Variants in MEGF6 observed in about 807,000 individuals in gnomAD.
The protein encoded by MEGF6 is multiple EGF like domains 6.
A neutral mutation model predicts 207.1 loss-of-function variants in MEGF6; 184 were observed. The ratio of observed to expected loss-of-function variants is 0.89; its 90% CI spans 0.79 to 1.00. MEGF6 has a LOEUF of 1.00. MEGF6 is among the 50% of genes least tolerant of loss of function. The pLI, the probability that MEGF6 is intolerant of heterozygous loss-of-function variation, is 0.00. For synonymous variants in MEGF6, 1,038 were observed against 910.0 expected (o/e 1.14, Z -2.53); for missense variants, 2,282 against 2,202.9 (o/e 1.04, Z -0.72).
In MEGF6 at chr1:3,496,694, G is replaced by A. The variant is rs773750025; in HGVS notation, c.3703C>T (p.Arg1235Cys). The change falls in exon 29 of 37, where the codon CGC (arginine) becomes TGC (cysteine). Residue 1235 changes from arginine to cysteine, a missense_variant. By Grantham distance (180) the Arg-to-Cys change is radical (BLOSUM62 -3). Transcript: ENST00000356575. The stretch of plus-strand genomic sequence containing the variant: ...GTCCCGAGGAACCCAGTGGGGCAGC[G>A]GCAGGCCCCCGTGGCCGCATCACAG... The part of the protein sequence containing the change: ...GSCDAATGAC[R>C]CPTGFLGTDC... The A allele has an allele frequency of 3.6e-5, 56 of 1,565,002 alleles. No homozygotes were observed. The highest frequency in any genetic ancestry group is 2.6e-4 in the East Asian group (11 of 41,824).
At chr1:3,599,135 ACAC>A (rs1257136038) in intron 2 of MEGF6, among the ~76,000 whole-genome samples, 7 of 152,252 alleles carry the variant, frequency 4.6e-5, no homozygotes, top group Admixed American at 1.3e-4. Flanking sequence ...AGCCACCACA[ACAC>A]CACAACACAG....
In MEGF6 at chr1:3,611,260, G is replaced by T. The variant is rs1416268390; in HGVS notation, c.9C>A (p.Phe3Leu). The T allele has an allele frequency of 1.4e-5, 21 of 1,486,894 alleles. No individual in the cohort carries two copies. Among genetic ancestry groups the T allele is most frequent in the Non-Finnish European group, 1.9e-5 (21 of 1,127,262 alleles). 92.1% of individuals were successfully genotyped at this position (1,486,894 alleles called of 1,614,324 possible). A position where few individuals can be genotyped will look rare whatever the true frequency, so the allele number is the denominator to read the frequency against. MS[F>L]LEEARAAGRA... ...GCCCCGCTGCCCTCGCCTCTTCAAG[G>T]AACGACATCGTGCGCGCCGGTGCCT... Residue 3 changes from phenylalanine (F) to leucine (L), a missense_variant, in exon 1 of 37, where the codon TTC becomes TTA. Transcript: ENST00000356575.
chr1:3,578,556 G>A (rs992458177), intron 4 of MEGF6, among the ~76,000 whole-genome samples: 4 of 150,442 alleles, frequency 2.7e-5, no homozygotes, highest in African/African-American at 4.9e-5. Flanking sequence ...GGGCCCTTTC[G>A]TCCACACGAG....
At chr1:3,608,044 G>T (rs1644276645) in intron 1 of MEGF6, among the ~76,000 whole-genome samples, 1 of 152,114 alleles carries the variant, frequency 6.6e-6, no homozygotes. Context: ...GAGTTGGGGG[G>T]GCTCGCTCAG....
Position 3,493,756 on chromosome 1 carries a change from G to A in MEGF6, c.4387+15C>T. 6.2e-7 allele frequency: 1 copy of A among 1,608,664 alleles called. No homozygotes were observed. The highest frequency in any genetic ancestry group is 2.2e-5 in the East Asian group (1 of 44,752). On this transcript the variant is annotated intron_variant, in intron 34 of 36. Transcript: ENST00000356575. The stretch of plus-strand genomic sequence containing the variant: ...CCCACACCCACGCCCTTCCTGGGCA[G>A]GACCCCAGACTCACCCAGGTTACAG...
rs951691597 is a variant in MEGF6 at position 3,549,122 on chromosome 1, G to A, written c.482-24876C>T. On this transcript the variant is annotated intron_variant, in intron 4 of 36. Coordinates refer to ENST00000356575, the MANE Select transcript of MEGF6 (RefSeq NM_001409.4). ...CCCGTGGCTCCGCGCTGGGTGATCT[G>A]TCCCCAGCCAGACCATGCAAGCTCT... Among the ~76,000 whole-genome samples, 11 of 152,274 alleles carry A rather than the reference G, an allele frequency of 7.2e-5. No homozygotes were observed. In the South Asian group the frequency reaches 1.4e-3, roughly 20 times the overall value.
rs748285081 is a variant in MEGF6, at chr1:3,500,727, G to A, written c.2613C>T (p.His871=). The A allele has an allele frequency of 7.5e-6, 12 of 1,599,330 alleles. No individual in the cohort carries two copies. Among genetic ancestry groups the A allele is most frequent in the Middle Eastern group, 1.7e-4 (1 of 6,000 alleles). Residue 871 remains histidine (H), a synonymous_variant, in exon 21 of 37, where the codon CAC becomes CAT. Transcript: ENST00000356575. ...CGTGGCCAGCGCTGCAGTTGCAGGG[G>A]TGGCTGCAGTCAGGTCCCCAGTGCC... is the stretch of plus-strand genomic sequence containing the variant. ...DTGHWGPDCS[H]PCNCSAGHGS...
At chr1:3,602,998 C>T (rs375773674) in intron 1 of MEGF6, among the ~76,000 whole-genome samples, 12 of 152,346 alleles carry the variant, frequency 7.9e-5, no homozygotes, top group Non-Finnish European at 1.3e-4. Flanking sequence ...CTCCCCACCT[C>T]GCTTCAGAGA....
At chr1:3,499,760 C>T (rs1366971677) in intron 22 of MEGF6, 36 bp downstream of exon 22, 5 of 1,587,232 alleles carry the variant, frequency 3.2e-6, no homozygotes, top group Non-Finnish European at 3.4e-6. Context: ...ACACTGGAGG[C>T]CACCCAGCCT....
chr1:3,585,049 G>C (rs1190629174), intron 3 of MEGF6, among the ~76,000 whole-genome samples: 1 of 151,992 alleles, frequency 6.6e-6, no homozygotes, highest in Admixed American at 6.5e-5. Context: ...CCTGTGTGTG[G>C]GAGTGAGTGA....
chr1:3,544,589 G>A (rs552336807), intron 4 of MEGF6, among the ~76,000 whole-genome samples: 1 of 152,274 alleles, frequency 6.6e-6, no homozygotes, highest in Non-Finnish European at 1.5e-5. Flanking sequence ...TGGCCAGCCT[G>A]GGGAGTGCTC....
intron 4 of MEGF6, among the ~76,000 whole-genome samples, chr1:3,545,493 C>T (rs1009164570): frequency 6.6e-6 from 1 of 152,146 alleles, no homozygotes; most frequent in African/African-American, 2.4e-5. Context: ...GTCCTGGGGC[C>T]ATCCCATACC....
chr1:3,559,734 G>A (rs907909251), intron 4 of MEGF6, among the ~76,000 whole-genome samples: 17 of 152,016 alleles, frequency 1.1e-4, no homozygotes, highest in South Asian at 6.2e-4. Context: ...TCGCCCGGCC[G>A]GGTACGGTGG....
intron 10 of MEGF6, among the ~76,000 whole-genome samples, chr1:3,510,208 A>AG (rs1308951920): frequency 1.3e-5 from 2 of 151,674 alleles, no homozygotes; most frequent in African/African-American, 2.4e-5. Flanking sequence ...GACACGTGCT[A>AG]GGGGGGGCCA....
chr1:3,499,732 AG>A lies in MEGF6; in HGVS notation c.2837-17del. ...GCCGGGCAGGCTGCAGACAGCGGGC[AG>A]TGATGTGGAGGGGCCCACACTGGAG... On this transcript the variant is annotated splice_polypyrimidine_tract_variant and intron_variant, in intron 22 of 36. Transcript: ENST00000356575. 1 of 1,600,944 alleles carries A rather than the reference AG, an allele frequency of 6.2e-7. No individual in the cohort carries two copies. The highest frequency in any genetic ancestry group is 8.5e-7 in the Non-Finnish European group (1 of 1,174,930).
intron 4 of MEGF6, among the ~76,000 whole-genome samples, chr1:3,554,828 T>C (rs1642987588): frequency 6.6e-6 from 1 of 152,218 alleles, no homozygotes; most frequent in East Asian, 1.9e-4. Context: ...TACAAAGTCG[T>C]TGCCATTCAA....
At chr1:3,498,316 T>C (rs989349837) in intron 26 of MEGF6, 55 bp downstream of exon 26, 3 of 1,560,636 alleles carry the variant, frequency 1.9e-6, no homozygotes, top group Admixed American at 3.6e-5. Context: ...GTAAGGCTGA[T>C]GCCACCCCTT....
At chr1:3,587,584 G>A (rs959032083) in intron 3 of MEGF6, among the ~76,000 whole-genome samples, 1 of 152,212 alleles carries the variant, frequency 6.6e-6, no homozygotes, top group Admixed American at 6.5e-5. Flanking sequence ...AGAGTGAACC[G>A]GAAGCACGAA....
At chr1:3,493,929 C>T (rs745731072) in intron 33 of MEGF6, 30 bp from the exon 34 acceptor site, 2 of 1,582,734 alleles carry the variant, frequency 1.3e-6, no homozygotes, top group South Asian at 1.1e-5. Context: ...CAGTGTCCCC[C>T]TCCTGTCCTG....
Sources: gnomAD v4.1 joint callset for allele counts (sites outside exome capture counted in the v4.1 genomes callset) on GRCh38, gnomAD v4.1.1 for gene constraint, MANE v1.5 for transcripts, NCBI Gene and HGNC (gene_info 2026-07-23, HGNC 2026-07-21) for gene names.